CADM2: variants seen among roughly 807,000 people sequenced by gnomAD.
The protein encoded by CADM2 is cell adhesion molecule 2.
In CADM2, 12 loss-of-function variants were observed where a neutral mutation model predicts 49.8. The ratio of observed to expected loss-of-function variants is 0.24; its 90% CI spans 0.15 to 0.39. The LOEUF is 0.39. Among genes scored for constraint, CADM2 ranks in the 10% least tolerant of loss-of-function variants. CADM2 has a pLI of 1.00. For synonymous variants in CADM2, 214 were observed against 175.4 expected (o/e 1.22, Z -1.74); for missense variants, 378 against 492.3 (o/e 0.77, Z 2.20).
chr3:85,885,558 T>C (rs1713491558), intron 4 of CADM2, among the ~76,000 whole-genome samples: 1 of 151,754 alleles, frequency 6.6e-6, no homozygotes, highest in Non-Finnish European at 1.5e-5. Flanking sequence ...GGCACCCACC[T>C]GTAATCCCAG....
chr3:85,883,412 C>T lies in CADM2; in HGVS notation c.360C>T (p.Val120=), dbSNP rs1173068541. The T allele has an allele frequency of 6.2e-7, 1 of 1,613,590 alleles. No individual in the cohort carries two copies. Among genetic ancestry groups the T allele is most frequent in the Admixed American group, 1.7e-5 (1 of 59,994 alleles). ...QYTCSLFTMP[V]KTSKAYLTVL... is the part of the protein sequence containing the mutation. Reference sequence around the variant, plus strand: ...CCTGTTCTTTATTTACAATGCCTGTCAAAACTTCCAAGGCATATCTCACCG... The same window carrying T: ...CCTGTTCTTTATTTACAATGCCTGTTAAAACTTCCAAGGCATATCTCACCG... The change falls in exon 4 of 10, where the codon GTC becomes GTT. Residue 120 remains valine (V), a synonymous_variant. Transcript: ENST00000383699.
intron 5 of CADM2, among the ~76,000 whole-genome samples, chr3:85,891,266 C>T (rs1714396790): frequency 6.6e-6 from 1 of 152,142 alleles, no homozygotes; most frequent in African/African-American, 2.4e-5. Flanking sequence ...TCCCTAAGAG[C>T]TTACATTTAC....
chr3:85,597,402 C>A (rs1345851721), intron 1 of CADM2, among the ~76,000 whole-genome samples: 1 of 152,066 alleles, frequency 6.6e-6, no homozygotes, highest in Non-Finnish European at 1.5e-5. Context: ...TTTATTAACA[C>A]AAATCTGAAT....
intron 8 of CADM2, among the ~76,000 whole-genome samples, chr3:85,997,394 T>C (rs1019808850): frequency 7.9e-5 from 12 of 152,326 alleles, no homozygotes; most frequent in South Asian, 2.1e-4. Context: ...TATGGAGCTG[T>C]TAGTGTATTG....
intron 1 of CADM2, among the ~76,000 whole-genome samples, chr3:85,499,023 T>G (rs1053189899): frequency 3.3e-5 from 5 of 152,180 alleles, no homozygotes; most frequent in Non-Finnish European, 7.4e-5. Context: ...AGCCAGGATT[T>G]TATTGATTTC....
At chr3:85,277,194 A>G (rs997219466) in intron 1 of CADM2, among the ~76,000 whole-genome samples, 2 of 151,374 alleles carry the variant, frequency 1.3e-5, no homozygotes, top group African/African-American at 4.8e-5. Context: ...GTAATCTTTT[A>G]TCTGCACTAT....
chr3:86,031,903 C>G (rs568035624), intron 8 of CADM2, among the ~76,000 whole-genome samples: 3 of 151,500 alleles, frequency 2.0e-5, no homozygotes, highest in Non-Finnish European at 4.4e-5. Flanking sequence ...ATTAATTACC[C>G]TAAATTGTAA....
chr3:85,076,225 G>A (rs1237586043), intron 1 of CADM2, among the ~76,000 whole-genome samples: 6 of 151,956 alleles, frequency 3.9e-5, no homozygotes, highest in Non-Finnish European at 5.9e-5. Context: ...GTTCACGTTA[G>A]TGATGCAGCC....
chr3:85,386,748 T>C (rs960077618), intron 1 of CADM2, among the ~76,000 whole-genome samples: 7 of 152,120 alleles, frequency 4.6e-5, no homozygotes, highest in African/African-American at 1.7e-4. Flanking sequence ...ATGTTAAGGA[T>C]TACTACTAAA....
intron 7 of CADM2, among the ~76,000 whole-genome samples, chr3:85,942,276 T>C (rs895857304): frequency 2.6e-5 from 4 of 151,950 alleles, no homozygotes; most frequent in African/African-American, 9.7e-5. Flanking sequence ...GCACTAAACA[T>C]GGACAAGAAC....
At chr3:85,222,822 G>A (rs2042072662) in intron 1 of CADM2, among the ~76,000 whole-genome samples, 1 of 151,890 alleles carries the variant, frequency 6.6e-6, no homozygotes, top group Admixed American at 6.6e-5. Context: ...GAATTATTTG[G>A]TCTCATCCCT....
At chr3:85,945,197 C>T (rs997369659) in intron 7 of CADM2, among the ~76,000 whole-genome samples, 4 of 151,886 alleles carry the variant, frequency 2.6e-5, no homozygotes, top group Admixed American at 1.3e-4. Flanking sequence ...ATAAATTCCT[C>T]GACACATACA....
At chr3:85,408,949 A>C (rs1399910238) in intron 1 of CADM2, among the ~76,000 whole-genome samples, 4 of 152,190 alleles carry the variant, frequency 2.6e-5, no homozygotes, top group Non-Finnish European at 5.9e-5. Flanking sequence ...CTAAAAAAAA[A>C]CTACATTATG....
chr3:85,003,045 C>T (rs745952992), intron 1 of CADM2, among the ~76,000 whole-genome samples: 3 of 152,130 alleles, frequency 2.0e-5, no homozygotes, highest in Non-Finnish European at 4.4e-5. Flanking sequence ...ATCCTTCTGC[C>T]TCAGCCTCTC....
intron 6 of CADM2, among the ~76,000 whole-genome samples, chr3:85,916,899 G>C (rs1718413528): frequency 6.6e-6 from 1 of 152,116 alleles, no homozygotes; most frequent in African/African-American, 2.4e-5. Flanking sequence ...CTGTGGTTTT[G>C]ATTTGCATTT....
At chr3:85,370,668 A>G (rs1430920511) in intron 1 of CADM2, among the ~76,000 whole-genome samples, 1 of 152,190 alleles carries the variant, frequency 6.6e-6, no homozygotes, top group African/African-American at 2.4e-5. Context: ...TTACTATACT[A>G]TGCTTCTAAT....
At chr3:85,249,485 C>T (rs2042726295) in intron 1 of CADM2, among the ~76,000 whole-genome samples, 1 of 151,816 alleles carries the variant, frequency 6.6e-6, no homozygotes, top group African/African-American at 2.4e-5. Flanking sequence ...TTAAAATGCA[C>T]AGACTATGTG....
At chr3:85,123,704 CACACAT>C (rs1313383563) in intron 1 of CADM2, among the ~76,000 whole-genome samples, 1 of 152,026 alleles carries the variant, frequency 6.6e-6, no homozygotes, top group South Asian at 2.1e-4. Context: ...TATATGTGCA[CACACAT>C]ACACATACAC....
intron 1 of CADM2, among the ~76,000 whole-genome samples, chr3:85,060,253 C>G (rs2036254224): frequency 6.6e-6 from 1 of 152,102 alleles, no homozygotes; most frequent in Non-Finnish European, 1.5e-5. Context: ...GCCTAAGCCT[C>G]CTAAGTGGGA....
Sources: gnomAD v4.1 joint callset for allele counts (sites outside exome capture counted in the v4.1 genomes callset) on GRCh38, gnomAD v4.1.1 for gene constraint, MANE v1.5 for transcripts, NCBI Gene and HGNC (gene_info 2026-07-23, HGNC 2026-07-21) for gene names.